LMO3: variants seen among roughly 807,000 people sequenced by gnomAD.
The protein encoded by LMO3 is LIM domain only protein 3.
LMO3 carries 2 observed loss-of-function variants against 15.8 expected under a neutral mutation model. The ratio of observed to expected loss-of-function variants is 0.13; its 90% CI spans 0.05 to 0.40. LMO3 has a LOEUF of 0.40. Ranked by LOEUF, LMO3 falls within the 10% of genes least tolerant of loss-of-function variation. The pLI is 0.99. For missense variants in LMO3, 86 were observed against 182.2 expected (o/e 0.47, Z 3.04); for synonymous variants, 62 against 63.8 (o/e 0.97, Z 0.13).
At chr12:16,577,294 C>T (rs1943023168) in intron 2 of LMO3, among the ~76,000 whole-genome samples, 1 of 152,150 alleles carries the variant, frequency 6.6e-6, no homozygotes, top group Admixed American at 6.6e-5. Context: ...TTAGGATCAT[C>T]TCCTAAATTT....
At position 16,596,212 on chromosome 12, in the gene LMO3, T is replaced by C. The variant is rs1052133643; in HGVS notation, c.206+4443A>G. 2.6e-5 allele frequency among the ~76,000 whole-genome samples: 4 copies of C among 151,528 alleles called. No individual in the cohort carries two copies. Among genetic ancestry groups the C allele is most frequent in the African/African-American group, 7.2e-5 (3 of 41,392 alleles). On this transcript the variant is annotated intron_variant, in intron 2 of 3. Transcript: ENST00000537304. This position sits in a 1 kb window ranked among gnomAD's most constrained non-coding sequence, Gnocchi z 4.3. ...TATTATTATATTAAAGCCTATAAAA[T>C]TTGTAGTCAGCATAGCAAGCTTCAA...
rs1942996446 is a variant in LMO3 at position 16,576,367 on chromosome 12, T to C, written c.207-15829A>G. Among the ~76,000 whole-genome samples the C allele has an allele frequency of 6.6e-6, 1 of 152,180 alleles. No individual in the cohort carries two copies. The highest frequency in any genetic ancestry group is 2.4e-5 in the African/African-American group (1 of 41,448). ...TACTCCCTGGACTCAGCATCTACTT[T>C]CACACCTGATGTCCTACCACTCCTG... On this transcript the variant is annotated intron_variant, in intron 2 of 3. Transcript: ENST00000537304. This position sits in a 1 kb window ranked among gnomAD's most constrained non-coding sequence, Gnocchi z 4.1.
chr12:16,564,245 C>A (rs780883806), intron 2 of LMO3, among the ~76,000 whole-genome samples: 3 of 152,164 alleles, frequency 2.0e-5, no homozygotes, highest in African/African-American at 4.8e-5. Flanking sequence ...ATTACACCTG[C>A]CACACTGTAG....
Position 16,583,957 on chromosome 12 carries a change from C to T in LMO3, c.206+16698G>A, listed in dbSNP as rs368136288. Among the ~76,000 whole-genome samples, 5 of 152,276 alleles carry T rather than the reference C, an allele frequency of 3.3e-5. No individual in the cohort carries two copies. The East Asian group carries it at 5.8e-4, about 18-fold the overall frequency. Reference sequence around the variant, plus strand: ...AAGATCAGTGCTATTACAAGTGAAACAGGACTACAGTGTGGAGTTTAAGAT... The same window carrying T: ...AAGATCAGTGCTATTACAAGTGAAATAGGACTACAGTGTGGAGTTTAAGAT... On this transcript the variant is annotated intron_variant, in intron 2 of 3. Transcript: ENST00000537304.
In LMO3 at chr12:16,584,437, A is replaced by T. The variant is rs1943254773; in HGVS notation, c.206+16218T>A. On this transcript the variant is annotated intron_variant, in intron 2 of 3. Transcript: ENST00000537304. The surrounding 1 kb of genome is among the most constrained non-coding windows in gnomAD (Gnocchi z 5.2). ...AAGGCATCTGGCCAAAAGATTGTGG[A>T]CACAGCAAAAGTTATTGACAAGGAC... 6.6e-6 allele frequency among the ~76,000 whole-genome samples: 1 copy of T among 152,218 alleles called. No homozygotes were observed. Among genetic ancestry groups the T allele is most frequent in the South Asian group, 2.1e-4 (1 of 4,832 alleles).
At chr12:16,574,512 G>C (rs141584332) in intron 2 of LMO3, among the ~76,000 whole-genome samples, 106 of 152,202 alleles carry the variant, frequency 7.0e-4, no homozygotes, top group Non-Finnish European at 1.3e-3. Context: ...TTTTCTTATA[G>C]TCTTTCTGAC....
At chr12:16,595,109 C>A (rs541925586) in intron 2 of LMO3, among the ~76,000 whole-genome samples, 1 of 151,484 alleles carries the variant, frequency 6.6e-6, no homozygotes, top group East Asian at 1.9e-4. Flanking sequence ...ACTTATCCAT[C>A]TTACATGTAA....
intron 2 of LMO3, among the ~76,000 whole-genome samples, chr12:16,590,855 C>T (rs991906866): frequency 1.3e-5 from 2 of 151,940 alleles, no homozygotes; most frequent in Non-Finnish European, 2.9e-5. Flanking sequence ...ATCACGTGAC[C>T]AAATCCAGAA....
chr12:16,602,472 G>A (rs1422366494), intron 1 of LMO3, among the ~76,000 whole-genome samples: 3 of 152,258 alleles, frequency 2.0e-5, no homozygotes, highest in Admixed American at 2.0e-4. Context: ...TGGTAGAGTT[G>A]TGTAGGGAAT....
chr12:16,605,129 G>A, intron 1 of LMO3: 1 of 1,409,026 alleles, frequency 7.1e-7, no homozygotes, highest in Non-Finnish European at 9.2e-7. Context: ...CCCTCGCAGT[G>A]TGCAAAATGA....
At chr12:16,605,107 C>T in intron 1 of LMO3, 2 of 1,436,570 alleles carry the variant, frequency 1.4e-6, no homozygotes, top group South Asian at 1.5e-5. Flanking sequence ...AGACAGGGCG[C>T]ACACACGGAG....
intron 3 of LMO3, among the ~76,000 whole-genome samples, chr12:16,552,601 A>T (rs2137255706): frequency 6.6e-6 from 1 of 152,210 alleles, no homozygotes; most frequent in South Asian, 2.1e-4. Context: ...TAATAAAAAA[A>T]GTAGACTGAA....
At chr12:16,565,521 T>G (rs559992276) in intron 2 of LMO3, among the ~76,000 whole-genome samples, 8 of 152,290 alleles carry the variant, frequency 5.3e-5, no homozygotes, top group African/African-American at 1.7e-4. Context: ...TCCACTGTCA[T>G]AGAGATAAAT....
In LMO3 at chr12:16,559,392, A is replaced by C. The variant is rs534375420; in HGVS notation, c.332+1021T>G. 7.2e-5 allele frequency among the ~76,000 whole-genome samples: 11 copies of C among 152,324 alleles called. No homozygotes were observed. The highest frequency in any genetic ancestry group is 2.4e-4 in the African/African-American group (10 of 41,574). The stretch of plus-strand genomic sequence containing the variant: ...TTTTCAGCTGAAAGAATTCTCTGAG[A>C]TGAACTAATCCAGCTTCATATGTTA... On this transcript the variant is annotated intron_variant, in intron 3 of 3. Coordinates refer to ENST00000537304, the MANE Select transcript of LMO3 (RefSeq NM_018640.5). This position sits in a 1 kb window ranked among gnomAD's most constrained non-coding sequence, Gnocchi z 4.1.
rs552770132 is a variant in LMO3 at position 16,576,253 on chromosome 12, T to C, written c.207-15715A>G. On this transcript the variant is annotated intron_variant, in intron 2 of 3. Transcript: ENST00000537304. The surrounding 1 kb of genome is among the most constrained non-coding windows in gnomAD (Gnocchi z 4.1). ...CATAGCTCCCCTACTGTATGCAGGATAGATGCAGGGAAGCATGAAAGGTCC... is the reference window on the plus strand; with the variant it reads ...CATAGCTCCCCTACTGTATGCAGGACAGATGCAGGGAAGCATGAAAGGTCC... Among the ~76,000 whole-genome samples the C allele has an allele frequency of 6.6e-6, 1 of 152,272 alleles. No homozygotes were observed. The highest frequency in any genetic ancestry group is 2.4e-5 in the African/African-American group (1 of 41,558).
chr12:16,594,378 G>T, intron 2 of LMO3: 1 of 842,680 alleles, frequency 1.2e-6, no homozygotes, highest in Non-Finnish European at 1.7e-6. Context: ...ATAGAGACAT[G>T]GCTAATACAA....
chr12:16,588,485 T>C (rs1034928995), intron 2 of LMO3, among the ~76,000 whole-genome samples: 3 of 152,066 alleles, frequency 2.0e-5, no homozygotes, highest in Admixed American at 2.0e-4. Flanking sequence ...TACAAGGCCA[T>C]AGAACTTTTA....
chr12:16,559,878 C>G lies in LMO3; in HGVS notation c.332+535G>C, dbSNP rs967573050. 1.3e-5 allele frequency among the ~76,000 whole-genome samples: 2 copies of G among 151,802 alleles called. No individual in the cohort carries two copies. The highest frequency in any genetic ancestry group is 4.8e-5 in the African/African-American group (2 of 41,330). ...TCGGGAGGCTGAGGCAGGAGGATTG[C>G]TTGAGCACAGAAGTTGAGGCTGCAT... On this transcript the variant is annotated intron_variant, in intron 3 of 3. Transcript: ENST00000537304. The surrounding 1 kb of genome is among the most constrained non-coding windows in gnomAD (Gnocchi z 4.1).
rs1943568171 is a variant in LMO3 at position 16,593,868 on chromosome 12, A to C, written c.206+6787T>G. On this transcript the variant is annotated intron_variant, in intron 2 of 3. Coordinates refer to ENST00000537304, the MANE Select transcript of LMO3 (RefSeq NM_018640.5). This position sits in a 1 kb window ranked among gnomAD's most constrained non-coding sequence, Gnocchi z 4.2. The stretch of plus-strand genomic sequence containing the variant: ...CTTCGTGTAAGCACCTTGAAAAGGG[A>C]AATACATGGTTAATCATCAAAACAA... Among the ~76,000 whole-genome samples, 1 of 151,824 alleles carries C rather than the reference A, an allele frequency of 6.6e-6. No individual in the cohort carries two copies. Among genetic ancestry groups the C allele is most frequent in the Non-Finnish European group, 1.5e-5 (1 of 67,760 alleles).
Sources: allele counts gnomAD v4.1 joint callset (sites outside exome capture counted in the v4.1 genomes callset), GRCh38; gene constraint gnomAD v4.1.1; non-coding constraint Gnocchi (gnomAD v3.1); transcripts MANE v1.5; gene names NCBI Gene and HGNC (gene_info 2026-07-23, HGNC 2026-07-21).